The following RBFOX1 variants were observed in gnomAD, a reference collection of about 807,000 sequenced individuals.
RBFOX1 encodes the protein RNA binding protein fox-1 homolog 1.
Under a neutral mutation model 57.7 loss-of-function variants are expected in RBFOX1, and 8 were observed. The observed-to-expected ratio is 0.14, with a 90% CI of 0.08 to 0.25. The LOEUF (loss-of-function observed/expected upper bound fraction) is 0.25, where lower values mean the gene tolerates loss of function less well. Ranked by LOEUF, RBFOX1 falls within the 10% of genes least tolerant of loss-of-function variation. The probability of loss-of-function intolerance (pLI) is 1.00; values close to 1 mark genes in which losing one functional copy is unlikely to be tolerated. For synonymous variants in RBFOX1, 326 were observed against 222.4 expected (o/e 1.47, Z -4.15); for missense variants, 611 against 548.5 (o/e 1.11, Z -1.14).
chr16:6,662,471 T>A (rs148462310), intron 3 of RBFOX1, among the ~76,000 whole-genome samples: 10 of 152,174 alleles, frequency 6.6e-5, no homozygotes, highest in African/African-American at 2.4e-4. Context: ...GAGGAACACA[T>A]TTTCCTGCAG....
At chr16:5,886,925 C>G (rs1411762718) in intron 4 of RBFOX1, among the ~76,000 whole-genome samples, 2 of 152,104 alleles carry the variant, frequency 1.3e-5, no homozygotes, top group Non-Finnish European at 2.9e-5. Context: ...TCATTGTGTC[C>G]TATGACCAGT....
At chr16:7,633,429 G>A (rs1319695739) in intron 11 of RBFOX1, among the ~76,000 whole-genome samples, 8 of 152,060 alleles carry the variant, frequency 5.3e-5, no homozygotes, top group Non-Finnish European at 8.8e-5. Flanking sequence ...ATAAAAATAT[G>A]TTAATGAACC....
chr16:7,121,222 C>G (rs766509324), intron 4 of RBFOX1, among the ~76,000 whole-genome samples: 3 of 152,112 alleles, frequency 2.0e-5, no homozygotes, highest in Admixed American at 6.6e-5. Context: ...GAGCTCCACT[C>G]TCACCAAACT....
chr16:5,380,061 A>C (rs1479715212), intron 1 of RBFOX1, among the ~76,000 whole-genome samples: 3 of 152,114 alleles, frequency 2.0e-5, no homozygotes, highest in African/African-American at 4.8e-5. Context: ...GCCGGTGACT[A>C]AGGATGTGCT....
chr16:7,097,841 C>T (rs1182876825), intron 4 of RBFOX1, among the ~76,000 whole-genome samples: 1 of 152,134 alleles, frequency 6.6e-6, no homozygotes, highest in Non-Finnish European at 1.5e-5. Flanking sequence ...TTTGAGGTTT[C>T]CTGCTGAGTT....
At chr16:6,198,675 G>A (rs944675786) in intron 1 of RBFOX1, among the ~76,000 whole-genome samples, 8 of 152,178 alleles carry the variant, frequency 5.3e-5, no homozygotes, top group Non-Finnish European at 1.2e-4. Flanking sequence ...ACATTTAAAA[G>A]TTGGTGGTGA....
rs555606535 is a variant in RBFOX1, at chr16:6,845,067, A to C, written c.-16+190417A>C. Among the ~76,000 whole-genome samples, 189 of 151,940 alleles carry C rather than the reference A, an allele frequency of 1.2e-3. 3 individuals are homozygous for C. Among genetic ancestry groups the C allele is most frequent in the Non-Finnish European group, 9.0e-4 (61 of 67,958 alleles). Reference sequence around the variant, plus strand: ...GCACATTTGCTTGAGTTCCTTGTACACTCTGGATATTAGACCTTTGTCAGA... The same window carrying C: ...GCACATTTGCTTGAGTTCCTTGTACCCTCTGGATATTAGACCTTTGTCAGA... On this transcript the variant is annotated intron_variant, in intron 3 of 15. Transcript: ENST00000550418.
intron 3 of RBFOX1, among the ~76,000 whole-genome samples, chr16:7,047,374 C>A (rs556602252): frequency 1.3e-5 from 2 of 152,038 alleles, no homozygotes; most frequent in Non-Finnish European, 2.9e-5. Context: ...TTTCTGCTGA[C>A]CTCTCTGGAT....
intron 4 of RBFOX1, among the ~76,000 whole-genome samples, chr16:7,407,823 G>T (rs560018401): frequency 1.3e-5 from 2 of 152,162 alleles, no homozygotes; most frequent in South Asian, 4.1e-4. Context: ...TATTTCACTG[G>T]GGGTGGGAAA....
chr16:5,749,615 T>C (rs2053117792), intron 3 of RBFOX1, among the ~76,000 whole-genome samples: 1 of 152,236 alleles, frequency 6.6e-6, no homozygotes, highest in Non-Finnish European at 1.5e-5. Flanking sequence ...TTTCATTCAT[T>C]TGATCTTCAA....
At chr16:6,547,600 G>A (rs1183196379) in intron 2 of RBFOX1, among the ~76,000 whole-genome samples, 2 of 152,162 alleles carry the variant, frequency 1.3e-5, no homozygotes, top group Admixed American at 6.5e-5. Flanking sequence ...TGTCTCCTGA[G>A]GGAGGGGAAA....
chr16:7,093,201 G>C (rs1205031464), intron 4 of RBFOX1, among the ~76,000 whole-genome samples: 1 of 152,174 alleles, frequency 6.6e-6, no homozygotes, highest in Admixed American at 6.5e-5. Context: ...ACTGGTCACC[G>C]TGTATCTCAG....
chr16:7,086,591 T>G (rs565380307), intron 4 of RBFOX1, among the ~76,000 whole-genome samples: 286 of 152,266 alleles, frequency 1.9e-3, no homozygotes, highest in Non-Finnish European at 3.4e-3. Context: ...TATGGATACT[T>G]TCAGGAAATC....
In RBFOX1 at chr16:5,522,995, ATC is replaced by A. The variant is rs1491014776; in HGVS notation, c.258+55742_258+55743del. 1.7e-4 allele frequency among the ~76,000 whole-genome samples: 26 copies of A among 150,936 alleles called. 1 individual carries two copies. Among genetic ancestry groups the A allele is most frequent in the African/African-American group, 4.6e-4 (19 of 40,880 alleles). On this transcript the variant is annotated intron_variant, in intron 2 of 2. Coordinates refer to the RBFOX1 transcript ENST00000585867. ...GCTGTTGTGAATAAAGTGCTGCAAA[ATC>A]ATGGTGGGGGCTGGGCATTGTTACT...
intron 4 of RBFOX1, among the ~76,000 whole-genome samples, chr16:7,208,112 C>T (rs2090368103): frequency 6.6e-6 from 1 of 152,148 alleles, no homozygotes; most frequent in African/African-American, 2.4e-5. Context: ...ACAGGAAAAG[C>T]TGGAGATGGC....
intron 3 of RBFOX1, among the ~76,000 whole-genome samples, chr16:6,694,004 C>G (rs2060651310): frequency 1.3e-5 from 2 of 152,178 alleles, no homozygotes; most frequent in African/African-American, 4.8e-5. Context: ...TACTTTGTTA[C>G]AAGTTTAGTT....
intron 4 of RBFOX1, among the ~76,000 whole-genome samples, chr16:7,392,851 T>TTGG (rs1002856641): frequency 8.3e-6 from 1 of 120,290 alleles, no homozygotes; most frequent in Admixed American, 7.9e-5. Flanking sequence ...TTTGGTTTGG[T>TTGG]TTGGTTTGTT....
intron 3 of RBFOX1, among the ~76,000 whole-genome samples, chr16:6,926,549 C>G (rs1175336455): frequency 1.3e-5 from 2 of 152,146 alleles, no homozygotes; most frequent in East Asian, 1.9e-4. Flanking sequence ...TGGAAAATTG[C>G]AGGGAGAAAT....
chr16:5,276,789 A>C (rs2063152442), intron 1 of RBFOX1, among the ~76,000 whole-genome samples: 1 of 152,216 alleles, frequency 6.6e-6, no homozygotes, highest in Non-Finnish European at 1.5e-5. Context: ...AACAACAAAA[A>C]GCAAAAATTG....
Sources: gnomAD v4.1 joint callset for allele counts (sites outside exome capture counted in the v4.1 genomes callset) on GRCh38, gnomAD v4.1.1 for gene constraint, MANE v1.5 for transcripts, NCBI Gene and HGNC (gene_info 2026-07-23, HGNC 2026-07-21) for gene names.